NCOA6: variants seen among roughly 807,000 people sequenced by gnomAD.
The protein encoded by NCOA6 is nuclear receptor coactivator 6.
NCOA6 carries 49 observed loss-of-function variants against 171.4 expected under a neutral mutation model. That is an observed-to-expected ratio of 0.29 (90% CI 0.23 to 0.36). The LOEUF (loss-of-function observed/expected upper bound fraction) is 0.36, where lower values mean the gene tolerates loss of function less well. Among genes scored for constraint, NCOA6 ranks in the 10% least tolerant of loss-of-function variants. The probability of loss-of-function intolerance (pLI) is 1.00; values close to 1 mark genes in which losing one functional copy is unlikely to be tolerated. For synonymous variants in NCOA6, 910 were observed against 927.5 expected (o/e 0.98, Z 0.34); for missense variants, 2,248 against 2,554.5 (o/e 0.88, Z 2.59).
At chr20:34,810,373 C>T (rs1205225623) in intron 1 of NCOA6, among the ~76,000 whole-genome samples, 1 of 152,230 alleles carries the variant, frequency 6.6e-6, no homozygotes, top group African/African-American at 2.4e-5. Flanking sequence ...TTTAACATTA[C>T]TTTCCTACTT....
At chr20:34,810,140 T>C (rs2078604524) in intron 1 of NCOA6, among the ~76,000 whole-genome samples, 2 of 152,236 alleles carry the variant, frequency 1.3e-5, no homozygotes, top group Admixed American at 6.5e-5. Context: ...TTGTGTGCTT[T>C]TCTTTGTATG....
At chr20:34,815,659 T>C (rs375981619) in intron 1 of NCOA6, among the ~76,000 whole-genome samples, 10 of 152,100 alleles carry the variant, frequency 6.6e-5, no homozygotes, top group Non-Finnish European at 1.5e-4. Flanking sequence ...GGGGAGGCTT[T>C]TGAATGGAGA....
At position 34,757,986 on chromosome 20, in the gene NCOA6, T is replaced by C. The variant is rs137980338; in HGVS notation, c.762A>G (p.Pro254=). 6.1e-5 allele frequency: 99 copies of C among 1,613,988 alleles called. No homozygotes were observed. In the African/African-American group the frequency reaches 9.7e-4, roughly 16 times the overall value. ...GCTGCTGCAGCTGGGGAAAATTAGC[T>C]GGGTTCATTTGTCTGTTCACAGAGA... is the stretch of plus-strand genomic sequence containing the variant. The part of the protein sequence containing the change: ...QPVSVNRQMN[P]ANFPQLQQQQ... The change falls in exon 7 of 15, where the codon CCA becomes CCG. Residue 254 remains proline, a synonymous_variant. Coordinates refer to ENST00000359003, the MANE Select transcript of NCOA6 (RefSeq NM_014071.5).
intron 4 of NCOA6, among the ~76,000 whole-genome samples, chr20:34,769,780 G>T (rs940035010): frequency 2.1e-4 from 32 of 152,094 alleles, no homozygotes; most frequent in Admixed American, 1.6e-3. Flanking sequence ...AATCTTACTT[G>T]GTCCAATGAT....
At chr20:34,745,295 A>G (rs2145629674) in intron 10 of NCOA6, among the ~76,000 whole-genome samples, 1 of 152,302 alleles carries the variant, frequency 6.6e-6, no homozygotes, top group Non-Finnish European at 1.5e-5. Flanking sequence ...CAAAACCATT[A>G]TAGGCCAAAT....
chr20:34,715,246 A>T lies in NCOA6; in HGVS notation c.*76T>A, dbSNP rs529462652. The T allele has an allele frequency of 3.2e-4, 511 of 1,596,082 alleles. 4 individuals carry two copies. The South Asian group carries it at 3.3e-3, about 10-fold the overall frequency. ...TTACTAACTGTACAGAAATTGATTT[A>T]AAAAAGTCACAGCTCAAAATTGCTC... is the stretch of plus-strand genomic sequence containing the variant. On this transcript the variant is annotated 3_prime_UTR_variant, in exon 15 of 15. Coordinates refer to ENST00000359003, the MANE Select transcript of NCOA6 (RefSeq NM_014071.5).
At chr20:34,792,210 A>C (rs2077908891) in intron 2 of NCOA6, among the ~76,000 whole-genome samples, 1 of 152,088 alleles carries the variant, frequency 6.6e-6, no homozygotes, top group South Asian at 2.1e-4. Flanking sequence ...CTGGTCTTTC[A>C]TTGTCTTCTA....
intron 11 of NCOA6, chr20:34,738,787 C>T (rs908796104): frequency 1.6e-5 from 7 of 439,748 alleles, no homozygotes; most frequent in Non-Finnish European, 3.3e-5. Flanking sequence ...AAATACATGG[C>T]TTAGGAGAGG....
intron 4 of NCOA6, among the ~76,000 whole-genome samples, chr20:34,774,919 T>C (rs1260883610): frequency 1.3e-5 from 2 of 152,308 alleles, no homozygotes; most frequent in African/African-American, 4.8e-5. Flanking sequence ...AGATAAATGA[T>C]CTGAGGGAGA....
At position 34,786,262 on chromosome 20, in the gene NCOA6, T is replaced by C. The variant is rs145985570; in HGVS notation, c.-49-3858A>G. ...TATTAGACCTGCTAGCGATCTATTA[T>C]AGCTAGTGATCTATCAATTTTTTTC... On this transcript the variant is annotated intron_variant, in intron 2 of 14. Coordinates refer to ENST00000359003, the MANE Select transcript of NCOA6 (RefSeq NM_014071.5). 4.8e-3 allele frequency among the ~76,000 whole-genome samples: 733 copies of C among 152,304 alleles called. 3 individuals carry two copies. The highest frequency in any genetic ancestry group is 8.6e-3 in the Non-Finnish European group (582 of 68,020).
At chr20:34,762,152 C>T (rs1311816537) in intron 5 of NCOA6, among the ~76,000 whole-genome samples, 2 of 152,150 alleles carry the variant, frequency 1.3e-5, no homozygotes, top group African/African-American at 2.4e-5. Flanking sequence ...AGTTTAGCAA[C>T]TTCCTGGTGA....
chr20:34,759,553 T>C (rs1307130661), intron 5 of NCOA6, among the ~76,000 whole-genome samples: 2 of 152,230 alleles, frequency 1.3e-5, no homozygotes, highest in Non-Finnish European at 2.9e-5. Flanking sequence ...TAAACATTTT[T>C]TGTATGCTTT....
intron 1 of NCOA6, among the ~76,000 whole-genome samples, chr20:34,821,808 C>T (rs1162431280): frequency 2.6e-5 from 4 of 152,078 alleles, no homozygotes; most frequent in East Asian, 3.9e-4. Flanking sequence ...AGGATGGTCT[C>T]GATCTCCTGA....
intron 1 of NCOA6, among the ~76,000 whole-genome samples, 178 bp downstream of exon 1, chr20:34,825,294 G>A (rs1230914670): frequency 6.6e-6 from 1 of 151,410 alleles, no homozygotes; most frequent in Non-Finnish European, 1.5e-5. Flanking sequence ...GGGGACACAA[G>A]CGCGGCGGGC....
chr20:34,779,347 C>T (rs1309988137), intron 3 of NCOA6, among the ~76,000 whole-genome samples: 1 of 151,686 alleles, frequency 6.6e-6, no homozygotes, highest in Non-Finnish European at 1.5e-5. Flanking sequence ...CTCATCTCTA[C>T]AAAAAATAAA....
intron 5 of NCOA6, among the ~76,000 whole-genome samples, chr20:34,760,542 A>G (rs2145859031): frequency 6.6e-6 from 1 of 152,326 alleles, no homozygotes; most frequent in East Asian, 1.9e-4. Context: ...TTCTTTTTCT[A>G]TGCTCTGGAA....
chr20:34,799,875 G>A (rs2078200926), intron 1 of NCOA6, among the ~76,000 whole-genome samples: 1 of 152,132 alleles, frequency 6.6e-6, no homozygotes, highest in African/African-American at 2.4e-5. Flanking sequence ...AGCAAAGGAC[G>A]TTAATGAGCA....
Position 34,740,399 on chromosome 20 carries a change from TCTC to T in NCOA6, c.5854_5856del (p.Glu1952del). 3 of 1,614,064 alleles carry T rather than the reference TCTC, an allele frequency of 1.9e-6. No individual in the cohort carries two copies. In the South Asian group the frequency reaches 3.3e-5, roughly 18 times the overall value. ...AGAAGTTCTGGATGGGATCCCACCT[TCTC>T]CTCCACTAGGCCACCCGCAAGTGAC... On this transcript the variant is annotated inframe_deletion, in exon 11 of 15. Transcript: ENST00000359003.
intron 4 of NCOA6, among the ~76,000 whole-genome samples, chr20:34,771,139 A>G (rs1302644820): frequency 6.6e-6 from 1 of 152,216 alleles, no homozygotes; most frequent in Non-Finnish European, 1.5e-5. Context: ...ATTTTTTGAA[A>G]CAGGGTCTCA....
Sources: allele counts gnomAD v4.1 joint callset (sites outside exome capture counted in the v4.1 genomes callset), GRCh38; gene constraint gnomAD v4.1.1; transcripts MANE v1.5; gene names NCBI Gene and HGNC (gene_info 2026-07-23, HGNC 2026-07-21).